The following CFAP92 variants were observed in gnomAD, a reference collection of about 807,000 sequenced individuals.
The protein encoded by CFAP92 is cilia and flagella associated protein 92 (putative).
In CFAP92, 86 loss-of-function variants were observed where a neutral mutation model predicts 106.3. The observed-to-expected ratio is 0.81, with a 90% CI of 0.68 to 0.97. The LOEUF (loss-of-function observed/expected upper bound fraction) is 0.97, where lower values mean the gene tolerates loss of function less well. Among genes scored for constraint, CFAP92 ranks in the 50% least tolerant of loss-of-function variants. CFAP92 has a pLI of 0.00. For missense variants in CFAP92, 1,204 were observed against 1,283.8 expected (o/e 0.94, Z 0.95); for synonymous variants, 477 against 506.4 (o/e 0.94, Z 0.78).
the CFAP92 span, among the ~76,000 whole-genome samples, chr3:129,010,304 G>A: frequency 6.6e-6 from 1 of 152,162 alleles, no homozygotes. The surrounding 1 kb of genome is among the most constrained non-coding windows in gnomAD (Gnocchi z 4.3). Context: ...AAGCCAAGGA[G>A]CAGCTGAGTC....
At chr3:128,965,374 A>C in intron 9 of CFAP92, 137 bp downstream of exon 9, 1 of 396,286 alleles carries the variant, frequency 2.5e-6, no homozygotes, top group Non-Finnish European at 4.4e-6. Context: ...CCTGTTTGGT[A>C]GTCTCTTCAC....
the CFAP92 span, among the ~76,000 whole-genome samples, chr3:129,016,125 G>GT: frequency 6.6e-6 from 1 of 152,142 alleles, no homozygotes; most frequent in Non-Finnish European, 1.5e-5. Context: ...CTTTTGATGC[G>GT]TCCCCCTGGC....
At chr3:129,004,622 T>C (rs1325406087), upstream of CFAP92, among the ~76,000 whole-genome samples, 1 of 151,826 alleles carries the variant, frequency 6.6e-6, no homozygotes, top group Non-Finnish European at 1.5e-5. Flanking sequence ...CAGTTGAATG[T>C]GCTCATTCTT....
At chr3:128,934,440 A>C (rs1486566180) in intron 11 of CFAP92, among the ~76,000 whole-genome samples, 1 of 152,056 alleles carries the variant, frequency 6.6e-6, no homozygotes, top group Non-Finnish European at 1.5e-5. Context: ...GCTGGTCTCG[A>C]ACTGCCGACC....
At chr3:128,977,169 G>C (rs1447724162) in intron 5 of CFAP92, 103 bp from the exon 6 acceptor site, 1 of 825,582 alleles carries the variant, frequency 1.2e-6, no homozygotes, top group South Asian at 1.4e-5. Flanking sequence ...CTATGCAGAA[G>C]GCCTGGGATG....
At chr3:129,009,089 T>C in the CFAP92 span, among the ~76,000 whole-genome samples, 1 of 152,188 alleles carries the variant, frequency 6.6e-6, no homozygotes, top group Non-Finnish European at 1.5e-5. Flanking sequence ...TCATAAAATG[T>C]CATTCAATCC....
rs564004915 is a variant in CFAP92 at position 128,961,932 on chromosome 3, C to A, written c.1353+3579G>T. ...CACAAGAACTTCCAAACGCCTGAACCGCAGTGGCCAGGTGTTCCTCCAGAA... is the reference window on the plus strand; with the variant it reads ...CACAAGAACTTCCAAACGCCTGAACAGCAGTGGCCAGGTGTTCCTCCAGAA... On this transcript the variant is annotated intron_variant, in intron 9 of 15. Transcript: ENST00000645291. 4.4e-3 allele frequency among the ~76,000 whole-genome samples: 663 copies of A among 152,292 alleles called. 2 individuals are homozygous for A. The highest frequency in any genetic ancestry group is 0.015 in the African/African-American group (619 of 41,558).
chr3:128,915,601 A>G, intron 13 of CFAP92, 38 bp from the exon 14 acceptor site: 1 of 1,323,016 alleles, frequency 7.6e-7, no homozygotes, highest in Non-Finnish European at 1.0e-6. Flanking sequence ...TGGAAGGGCT[A>G]ATAGCAATCT....
chr3:128,923,206 G>A (rs994636171), intron 12 of CFAP92, among the ~76,000 whole-genome samples: 1 of 152,216 alleles, frequency 6.6e-6, no homozygotes, highest in African/African-American at 2.4e-5. Context: ...CCATGGAACA[G>A]GAGACTGGAG....
rs1026508866 is a variant in CFAP92 at position 128,945,317 on chromosome 3, G to C, written c.2012C>G (p.Ser671Cys). 9.1e-6 allele frequency: 14 copies of C among 1,536,010 alleles called. No individual in the cohort carries two copies. In the Admixed American group the frequency reaches 2.7e-4, roughly 30 times the overall value. ...IIFVFDFKKV[S>C]LLHSLLQDIT... ...GTCCTGCAGCAGGCTGTGGAGCAGGGAGACCTTCTTAAAGTCAAAGACGAA... is the reference window on the plus strand; with the variant it reads ...GTCCTGCAGCAGGCTGTGGAGCAGGCAGACCTTCTTAAAGTCAAAGACGAA... Residue 671 changes from serine to cysteine, a missense_variant, in exon 10 of 16, where the codon TCC (serine) becomes TGC (cysteine). Coordinates refer to ENST00000645291, the MANE Select transcript of CFAP92 (RefSeq NM_001394090.1).
the CFAP92 span, among the ~76,000 whole-genome samples, chr3:129,010,740 C>G: frequency 6.6e-6 from 1 of 152,106 alleles, no homozygotes. The surrounding 1 kb of genome is among the most constrained non-coding windows in gnomAD (Gnocchi z 4.3). Context: ...TGGGAGGCCT[C>G]GGATTCCATC....
At position 128,910,304 on chromosome 3, in the gene CFAP92, A is replaced by G; in HGVS notation, c.3310T>C (p.Ser1104Pro). 1 of 1,496,218 alleles carries G rather than the reference A, an allele frequency of 6.7e-7. No homozygotes were observed. The highest frequency in any genetic ancestry group is 1.4e-5 in the African/African-American group (1 of 72,334). The allele number at this position is 1,496,218 out of a possible 1,614,324, so 92.7% of individuals were successfully genotyped here. The part of the protein sequence containing the change: ...VRKKKGNSPI[S>P] ...CGTGGGAGGGTCTGTGCTGCTCAGG[A>G]GATGGGGCTGTTCCCTTTCTTCTTC... is the stretch of plus-strand genomic sequence containing the variant. The change falls in exon 16 of 16, where the codon TCC becomes CCC. Residue 1104 changes from serine (S) to proline (P), a missense_variant. Coordinates refer to ENST00000645291, the MANE Select transcript of CFAP92 (RefSeq NM_001394090.1).
At chr3:129,015,615 C>T in the CFAP92 span, among the ~76,000 whole-genome samples, 1 of 152,054 alleles carries the variant, frequency 6.6e-6, no homozygotes, top group Non-Finnish European at 1.5e-5. Context: ...TCCGTGTCTG[C>T]TCGCACACTC....
intron 4 of CFAP92, 188 bp from the exon 5 acceptor site, chr3:128,978,373 G>A: frequency 1.8e-6 from 1 of 545,586 alleles, no homozygotes; most frequent in Non-Finnish European, 3.1e-6. Context: ...TCATACTGTA[G>A]TCTATTAAGT....
Position 128,932,969 on chromosome 3 carries a change from T to C in CFAP92, c.2482A>G (p.Thr828Ala). The change falls in exon 12 of 16, where the codon ACC becomes GCC. Residue 828 changes from threonine (T) to alanine (A), a missense_variant. By Grantham distance (58) the Thr-to-Ala change is moderately conservative. Coordinates refer to ENST00000645291, the MANE Select transcript of CFAP92 (RefSeq NM_001394090.1). The stretch of plus-strand genomic sequence containing the variant: ...TCCCTCACCGTCACGTCCCAGAGGG[T>C]GGTGCTGTTATAGCAGATGTCGTGG... ...RIHDICYNST[T>A]LWDVTVRDLL... The C allele has an allele frequency of 2.0e-6, 3 of 1,535,966 alleles. No individual in the cohort carries two copies. The highest frequency in any genetic ancestry group is 2.6e-6 in the Non-Finnish European group (3 of 1,146,868).
chr3:129,001,509 G>A, intron 1 of CFAP92: 90 of 1,318,056 alleles, frequency 6.8e-5, no homozygotes, highest in Non-Finnish European at 8.5e-5. Flanking sequence ...CCCCGGCGCC[G>A]CTCCAACCAG....
intron 7 of CFAP92, among the ~76,000 whole-genome samples, chr3:128,973,247 T>C (rs1488674994): frequency 6.6e-6 from 1 of 151,048 alleles, no homozygotes; most frequent in African/African-American, 2.4e-5. Flanking sequence ...CACAGAAGAG[T>C]GTGACCAAAT....
At chr3:128,913,649 AAGG>A (rs1936579116) in intron 15 of CFAP92, among the ~76,000 whole-genome samples, 1 of 152,132 alleles carries the variant, frequency 6.6e-6, no homozygotes, top group African/African-American at 2.4e-5. Context: ...GGAAATAGGC[AAGG>A]AGGAGACTGG....
chr3:128,931,487 A>G (rs1185730798), intron 12 of CFAP92, among the ~76,000 whole-genome samples: 3 of 142,998 alleles, frequency 2.1e-5, no homozygotes, highest in Admixed American at 7.2e-5. Flanking sequence ...ATATATATGT[A>G]TGTATGTATA....
Sources: gnomAD v4.1 joint callset for allele counts (sites outside exome capture counted in the v4.1 genomes callset) on GRCh38, gnomAD v4.1.1 for gene constraint, Gnocchi (gnomAD v3.1) non-coding constraint, MANE v1.5 for transcripts, NCBI Gene and HGNC (gene_info 2026-07-23, HGNC 2026-07-21) for gene names.